The following CMTM8 variants were observed in gnomAD, a reference collection of about 807,000 sequenced individuals.
CMTM8 encodes CKLF-like MARVEL transmembrane domain-containing protein 8.
A neutral mutation model predicts 18.6 loss-of-function variants in CMTM8; 12 were observed. That is an observed-to-expected ratio of 0.65 (90% CI 0.41 to 1.05). The LOEUF is 1.05. Among genes scored for constraint, CMTM8 ranks in the 50% least tolerant of loss-of-function variants. CMTM8 has a pLI of 0.00. For missense variants in CMTM8, 217 were observed against 227.2 expected, an observed-to-expected ratio of 0.95 and a Z score of 0.29; for synonymous variants, 87 against 90.6, an observed-to-expected ratio of 0.96 and a Z score of 0.23.
rs2125607912 is a variant in CMTM8 at position 32,370,253 on chromosome 3, G to A, written c.*286G>A. 6.0e-6 allele frequency: 1 copy of A among 167,972 alleles called. No homozygotes were observed. The highest frequency in any genetic ancestry group is 1.6e-4 in the East Asian group (1 of 6,212). 10.4% of individuals were successfully genotyped at this position (167,972 alleles called of 1,614,324 possible). A position where few individuals can be genotyped will look rare whatever the true frequency, so the allele number is the denominator to read the frequency against. ...TAGATAAATTGCTAATATTGAGAAT[G>A]TGTCAAGTTTGTAAACCTAACTTTT... is the stretch of plus-strand genomic sequence containing the variant. On this transcript the variant is annotated 3_prime_UTR_variant, in exon 4 of 4. Transcript: ENST00000307526.
In CMTM8 at chr3:32,256,096, G is replaced by A. The variant is rs925446043; in HGVS notation, c.147+16977G>A. On this transcript the variant is annotated intron_variant, in intron 1 of 3. Coordinates refer to ENST00000307526, the MANE Select transcript of CMTM8 (RefSeq NM_178868.5). ...TGTCTTCTAACATCCAGTGTTTTTT[G>A]TTTTTTGGTTTGTTTTGTTGTTATT... is the stretch of plus-strand genomic sequence containing the variant. Among the ~76,000 whole-genome samples, 6 of 151,866 alleles carry A rather than the reference G, an allele frequency of 4.0e-5. No homozygotes were observed. In the South Asian group the frequency reaches 1.0e-3, roughly 26 times the overall value.
chr3:32,281,467 A>C (rs928685355), intron 1 of CMTM8, among the ~76,000 whole-genome samples: 4 of 152,172 alleles, frequency 2.6e-5, no homozygotes, highest in African/African-American at 7.2e-5. Flanking sequence ...TAGTATCTAA[A>C]TAGACAGTTT....
chr3:32,301,732 CAA>C (rs377120596), intron 1 of CMTM8, among the ~76,000 whole-genome samples: 5 of 103,334 alleles, frequency 4.8e-5, no homozygotes, highest in South Asian at 2.9e-4. Flanking sequence ...TGATATGAAA[CAA>C]AAAAAAAAAA....
At chr3:32,243,192 C>T (rs1701965567) in intron 1 of CMTM8, among the ~76,000 whole-genome samples, 1 of 151,674 alleles carries the variant, frequency 6.6e-6, no homozygotes, top group Admixed American at 6.6e-5. Flanking sequence ...CTCACCTAAC[C>T]AAAATAAAAT....
At chr3:32,266,149 A>C (rs1252290486) in intron 1 of CMTM8, among the ~76,000 whole-genome samples, 4 of 152,072 alleles carry the variant, frequency 2.6e-5, no homozygotes, top group African/African-American at 7.3e-5. Context: ...GAGACACAAC[A>C]AAAAAAGAGA....
chr3:32,239,412 A>G (rs1202974586), intron 1 of CMTM8, among the ~76,000 whole-genome samples: 2 of 151,898 alleles, frequency 1.3e-5, no homozygotes, highest in Non-Finnish European at 2.9e-5. Context: ...AGCTTGGCTT[A>G]GTGGCTATTG....
At chr3:32,330,834 A>G (rs879905147) in intron 1 of CMTM8, among the ~76,000 whole-genome samples, 3 of 152,228 alleles carry the variant, frequency 2.0e-5, no homozygotes, top group Non-Finnish European at 4.4e-5. Flanking sequence ...ATGTATAAAA[A>G]TTAACTAAAA....
At chr3:32,298,107 G>T (rs992034481) in intron 1 of CMTM8, among the ~76,000 whole-genome samples, 2 of 149,364 alleles carry the variant, frequency 1.3e-5, no homozygotes, top group Non-Finnish European at 3.0e-5. Context: ...CTGGAGTCTC[G>T]TTCTGTCGCT....
At chr3:32,334,024 C>G (rs1696333291) in intron 1 of CMTM8, among the ~76,000 whole-genome samples, 1 of 151,634 alleles carries the variant, frequency 6.6e-6, no homozygotes, top group South Asian at 2.1e-4. Flanking sequence ...GTCACCGAGG[C>G]TGGGGTGCAG....
chr3:32,287,501 C>T (rs1219890363), intron 1 of CMTM8, among the ~76,000 whole-genome samples: 2 of 151,998 alleles, frequency 1.3e-5, no homozygotes, highest in South Asian at 2.1e-4. Flanking sequence ...TTGTAGTGTT[C>T]AAATAAATTT....
chr3:32,243,189 A>T (rs1253120276), intron 1 of CMTM8, among the ~76,000 whole-genome samples: 1 of 151,542 alleles, frequency 6.6e-6, no homozygotes, highest in Non-Finnish European at 1.5e-5. Flanking sequence ...CACCTCACCT[A>T]ACCAAAATAA....
Position 32,369,956 on chromosome 3 carries a change from A to C in CMTM8, c.511A>C (p.Thr171Pro). 6.3e-7 allele frequency: 1 copy of C among 1,587,790 alleles called. No homozygotes were observed. Among genetic ancestry groups the C allele is most frequent in the Non-Finnish European group, 8.6e-7 (1 of 1,160,604 alleles). ...CAGTTTTATAGCATGGAGATCCAGG[A>C]CCATACAGTGATTTACCATTTTGAT... ...YFSFIAWRSR[T>P]IQ The change falls in exon 4 of 4, where the codon ACC becomes CCC. Residue 171 changes from threonine to proline, a missense_variant. Transcript: ENST00000307526.
At chr3:32,274,440 A>G (rs927831028) in intron 1 of CMTM8, among the ~76,000 whole-genome samples, 5 of 152,194 alleles carry the variant, frequency 3.3e-5, no homozygotes, top group African/African-American at 9.7e-5. Context: ...GAAAAGTTGT[A>G]AGGACAGTAT....
At chr3:32,258,336 A>G (rs1328870519) in intron 1 of CMTM8, among the ~76,000 whole-genome samples, 2 of 152,136 alleles carry the variant, frequency 1.3e-5, no homozygotes, top group Non-Finnish European at 2.9e-5. Flanking sequence ...AGTGGGAGAC[A>G]TTTCAGTGGA....
At chr3:32,334,328 C>T (rs911097266) in intron 1 of CMTM8, among the ~76,000 whole-genome samples, 7 of 151,582 alleles carry the variant, frequency 4.6e-5, no homozygotes, top group Admixed American at 2.6e-4. Context: ...GTCTATTGAC[C>T]GAGCGTGGTG....
At chr3:32,347,275 GT>G (rs1444681577) in intron 1 of CMTM8, among the ~76,000 whole-genome samples, 2 of 134,462 alleles carry the variant, frequency 1.5e-5, no homozygotes, top group Non-Finnish European at 3.2e-5. Flanking sequence ...TTGTTTTTTG[GT>G]TTTTGGTTTT....
At chr3:32,360,575 C>T (rs2125601225) in intron 2 of CMTM8, among the ~76,000 whole-genome samples, 1 of 152,352 alleles carries the variant, frequency 6.6e-6, no homozygotes, top group East Asian at 1.9e-4. Context: ...CACTGCCCAG[C>T]AGAATCTCTT....
At chr3:32,282,201 G>C (rs1035296393) in intron 1 of CMTM8, among the ~76,000 whole-genome samples, 1 of 152,108 alleles carries the variant, frequency 6.6e-6, no homozygotes, top group Non-Finnish European at 1.5e-5. Flanking sequence ...AACCCATGAG[G>C]ACACAGTCAG....
intron 1 of CMTM8, among the ~76,000 whole-genome samples, chr3:32,274,846 G>T (rs1375946359): frequency 6.6e-6 from 1 of 152,116 alleles, no homozygotes; most frequent in Non-Finnish European, 1.5e-5. Context: ...TTTGGGGAAT[G>T]CTCTGCAAAT....
Sources: allele counts gnomAD v4.1 joint callset (sites outside exome capture counted in the v4.1 genomes callset), GRCh38; gene constraint gnomAD v4.1.1; transcripts MANE v1.5; gene names NCBI Gene and HGNC (gene_info 2026-07-23, HGNC 2026-07-21).